The following SCARB2 variants were observed in gnomAD, a reference collection of about 807,000 sequenced individuals.
The protein encoded by SCARB2 is lysosome membrane protein 2.
In SCARB2, 29 loss-of-function variants were observed where a neutral mutation model predicts 58.6. The observed-to-expected ratio is 0.49, with a 90% CI of 0.37 to 0.67. The LOEUF (loss-of-function observed/expected upper bound fraction) is 0.67, where lower values mean the gene tolerates loss of function less well. Ranked by LOEUF, SCARB2 falls within the 30% of genes least tolerant of loss-of-function variation. The probability of loss-of-function intolerance (pLI) is 0.00; values close to 1 mark genes in which losing one functional copy is unlikely to be tolerated. For synonymous variants in SCARB2, 195 were observed against 210.1 expected, an observed-to-expected ratio of 0.93 and a Z score of 0.62; for missense variants, 488 against 578.5, an observed-to-expected ratio of 0.84 and a Z score of 1.60.
rs1486869676 is a variant in SCARB2, at chr4:76,176,458, A to AT, written c.682dup (p.Ile228AsnfsTer11). 1.2e-6 allele frequency: 2 copies of AT among 1,611,732 alleles called. No homozygotes were observed. The highest frequency in any genetic ancestry group is 1.1e-5 in the South Asian group (1 of 90,818). ...TTACGTTTTCCCATTCCATTCCACA[A>AT]TTTTTGTAAAGTTAAGGTAACTGTC... On this transcript the variant is annotated frameshift_variant, in exon 5 of 12. Coordinates refer to ENST00000264896, the MANE Select transcript of SCARB2 (RefSeq NM_005506.4). LOFTEE classifies it high-confidence loss of function.
At chr4:76,219,617 G>A (rs1733272756) in intron 1 of SCARB2, among the ~76,000 whole-genome samples, 2 of 152,290 alleles carry the variant, frequency 1.3e-5, no homozygotes, top group South Asian at 4.2e-4. Context: ...CTTTCTGAGG[G>A]GAGAAAGGGG....
chr4:76,217,714 C>A, upstream of SCARB2: 2 of 549,646 alleles, frequency 3.6e-6, no homozygotes, highest in Non-Finnish European at 3.3e-6. Context: ...CACAAACAGA[C>A]AAGGGCGGAA....
chr4:76,179,817 G>A (rs1732342417), intron 3 of SCARB2, 112 bp from the exon 4 acceptor site: 1 of 870,878 alleles, frequency 1.1e-6, no homozygotes, highest in African/African-American at 1.6e-5. Flanking sequence ...TAAAGGTTGA[G>A]ATTAAATAGC....
At chr4:76,192,256 T>C (rs1237737088) in intron 2 of SCARB2, 2 of 152,186 alleles carry the variant, frequency 1.3e-5, no homozygotes, top group Admixed American at 1.3e-4. Context: ...TGCAATGTCT[T>C]AAAGACTGAT....
intron 8 of SCARB2, 28 bp from the exon 9 acceptor site, chr4:76,168,504 C>T (rs773493317): frequency 5.0e-6 from 8 of 1,597,412 alleles, no homozygotes; most frequent in Middle Eastern, 1.7e-4. Context: ...GAAAAGGAAA[C>T]ATTAGGATTT....
At chr4:76,213,237 G>C (rs1170041805) in intron 1 of SCARB2, 190 bp downstream of exon 1, 2 of 647,838 alleles carry the variant, frequency 3.1e-6, no homozygotes, top group Non-Finnish European at 5.7e-6. Flanking sequence ...AAAGGGAACA[G>C]AGTCGGCTCC....
upstream of SCARB2, chr4:76,217,483 G>A (rs1264633640): frequency 1.7e-5 from 7 of 408,018 alleles, no homozygotes; most frequent in East Asian, 7.0e-5. Flanking sequence ...GTCAGAGAGC[G>A]GGTTGTTGAA....
At chr4:76,180,069 A>C in intron 3 of SCARB2, 1 of 338,252 alleles carries the variant, frequency 3.0e-6, no homozygotes, top group Non-Finnish European at 5.7e-6. Context: ...CCCGACCTAC[A>C]CCCCTGGGAC....
intron 2 of SCARB2, among the ~76,000 whole-genome samples, chr4:76,191,078 TAAC>T (rs144413107): frequency 0.027 from 4,070 of 152,222 alleles, 143 homozygotes; most frequent in African/African-American, 0.084. Flanking sequence ...CATTTAAAAA[TAAC>T]AACAACAACA....
At chr4:76,176,626 C>T (rs1732256841) in intron 4 of SCARB2, 98 bp from the exon 5 acceptor site, 2 of 793,942 alleles carry the variant, frequency 2.5e-6, no homozygotes, top group African/African-American at 1.7e-5. Flanking sequence ...AACACTAGCC[C>T]AGATGGTGTG....
intron 10 of SCARB2, chr4:76,165,842 C>G (rs1731997392): frequency 4.4e-6 from 1 of 225,390 alleles, no homozygotes. Context: ...ATATGTGATT[C>G]AGAAAAGAAT....
At chr4:76,217,151 A>G (rs1013608742), upstream of SCARB2, among the ~76,000 whole-genome samples, 1 of 152,174 alleles carries the variant, frequency 6.6e-6, no homozygotes, top group Admixed American at 6.5e-5. Context: ...ATCTCACCCT[A>G]TGAGAGACTT....
upstream of SCARB2, chr4:76,214,310 G>GC (rs1187377149): frequency 6.6e-6 from 3 of 456,176 alleles, no homozygotes; most frequent in Non-Finnish European, 1.3e-5. Context: ...ATGACCTAGG[G>GC]CCCCACATTG....
chr4:76,174,975 A>G (rs757750843), intron 6 of SCARB2: 1 of 153,414 alleles, frequency 6.5e-6, no homozygotes, highest in Non-Finnish European at 1.4e-5. Flanking sequence ...GTCACCACTG[A>G]GCCTTCAGCC....
intron 1 of SCARB2, among the ~76,000 whole-genome samples, chr4:76,201,505 T>A (rs775743421): frequency 5.3e-5 from 8 of 152,190 alleles, no homozygotes; most frequent in Non-Finnish European, 8.8e-5. Flanking sequence ...CAGGCATTCA[T>A]CTTCTGCTGT....
At chr4:76,205,063 C>T (rs1394596792) in intron 1 of SCARB2, among the ~76,000 whole-genome samples, 9 of 152,256 alleles carry the variant, frequency 5.9e-5, no homozygotes, top group African/African-American at 9.6e-5. Flanking sequence ...CAGTGGCTCA[C>T]GCCTGTAATC....
chr4:76,213,417 C>T lies in SCARB2; in HGVS notation c.117+10G>A, dbSNP rs760111311. The T allele has an allele frequency of 1.0e-5, 16 of 1,588,110 alleles. No individual in the cohort carries two copies. The highest frequency in any genetic ancestry group is 3.4e-5 in the Admixed American group (2 of 59,126). ...ACTCCACAACACACACACAGCCCGC[C>T]CCGCCTCACCTTCTCGATACTCTGG... is the stretch of plus-strand genomic sequence containing the variant. On this transcript the variant is annotated intron_variant, in intron 1 of 11. Transcript: ENST00000264896.
At position 76,213,573 on chromosome 4, in the gene SCARB2, C is replaced by G. The variant is rs748611006; in HGVS notation, c.-30G>C. Reference sequence around the variant, plus strand: ...TGCGCCGCTCACGGGCCGGGCCGGGCCGCACCCGCCAGGGATCCAACTGCA... The same window carrying G: ...TGCGCCGCTCACGGGCCGGGCCGGGGCGCACCCGCCAGGGATCCAACTGCA... On this transcript the variant is annotated 5_prime_UTR_variant, in exon 1 of 12. Transcript: ENST00000264896. 1 of 1,578,748 alleles carries G rather than the reference C, an allele frequency of 6.3e-7. No individual in the cohort carries two copies. Among genetic ancestry groups the G allele is most frequent in the East Asian group, 2.3e-5 (1 of 44,226 alleles).
intron 1 of SCARB2, among the ~76,000 whole-genome samples, chr4:76,197,082 G>A (rs1346212828): frequency 6.6e-6 from 1 of 152,182 alleles, no homozygotes; most frequent in Non-Finnish European, 1.5e-5. Flanking sequence ...AAGAAGACAG[G>A]CCTCAGAAGA....
Sources: allele counts gnomAD v4.1 joint callset (sites outside exome capture counted in the v4.1 genomes callset), GRCh38; gene constraint gnomAD v4.1.1; transcripts MANE v1.5; gene names NCBI Gene and HGNC (gene_info 2026-07-23, HGNC 2026-07-21).